TSHZ1: variants seen among roughly 807,000 people sequenced by gnomAD.
TSHZ1 encodes the protein teashirt homolog 1.
Under a neutral mutation model 67.1 loss-of-function variants are expected in TSHZ1, and 12 were observed. That is an observed-to-expected ratio of 0.18 (90% CI 0.11 to 0.29). The LOEUF is 0.29. TSHZ1 is among the 10% of genes least tolerant of loss of function. The pLI is 1.00. For missense variants in TSHZ1, 1,305 were observed against 1,413.9 expected (o/e 0.92, Z 1.23); for synonymous variants, 632 against 622.4 (o/e 1.02, Z -0.23).
chr18:75,219,901 T>A (rs748280608), intron 1 of TSHZ1, among the ~76,000 whole-genome samples: 1 of 152,234 alleles, frequency 6.6e-6, no homozygotes, highest in East Asian at 1.9e-4. Context: ...CCTGTAGATA[T>A]GGAGGCACCT....
At chr18:75,216,171 CT>C (rs1336081636) in intron 1 of TSHZ1, among the ~76,000 whole-genome samples, 6 of 152,008 alleles carry the variant, frequency 3.9e-5, no homozygotes, top group Admixed American at 2.6e-4. Context: ...ACCGAAATAT[CT>C]TTTTTTTAAT....
At chr18:75,283,449 T>G (rs61652057) in intron 1 of TSHZ1, 4,621 of 152,378 alleles carry the variant, frequency 0.03, 121 homozygotes, top group Middle Eastern at 0.12. Flanking sequence ...GGGAGAGTCA[T>G]AGAATCATCT....
At chr18:75,223,913 C>A (rs1175636345) in intron 1 of TSHZ1, among the ~76,000 whole-genome samples, 2 of 152,090 alleles carry the variant, frequency 1.3e-5, no homozygotes, top group Non-Finnish European at 2.9e-5. Context: ...ATGAGGTCAA[C>A]CATGACTGAC....
intron 1 of TSHZ1, among the ~76,000 whole-genome samples, chr18:75,268,221 G>A (rs977148575): frequency 6.6e-6 from 1 of 152,182 alleles, no homozygotes; most frequent in Non-Finnish European, 1.5e-5. Flanking sequence ...ATTTTCCCAG[G>A]AAGGAGAGTT....
chr18:75,269,202 A>G (rs1295818817), intron 1 of TSHZ1, among the ~76,000 whole-genome samples: 3 of 152,228 alleles, frequency 2.0e-5, no homozygotes, highest in African/African-American at 7.2e-5. Context: ...TATGGAAAAA[A>G]GCCACAGCCT....
rs367826446 is a variant in TSHZ1, at chr18:75,271,225, A to T, written c.41-14223A>T. On this transcript the variant is annotated intron_variant, in intron 1 of 1. Coordinates refer to ENST00000580243, the MANE Select transcript of TSHZ1 (RefSeq NM_001308210.2). ...AATATCCTTAGACTAGGAATTGTTT[A>T]TACTAAATTTTTGAAAATGCAAGTA... 5.9e-5 allele frequency among the ~76,000 whole-genome samples: 9 copies of T among 152,296 alleles called. 1 individual carries two copies. The highest frequency in any genetic ancestry group is 4.1e-4 in the South Asian group (2 of 4,828).
intron 1 of TSHZ1, among the ~76,000 whole-genome samples, chr18:75,263,654 A>G (rs896389711): frequency 2.0e-5 from 3 of 152,116 alleles, no homozygotes; most frequent in Non-Finnish European, 4.4e-5. Flanking sequence ...TTTGTTTGTT[A>G]TGTTGTTTGT....
At chr18:75,257,198 T>C (rs1346929075) in intron 1 of TSHZ1, among the ~76,000 whole-genome samples, 1 of 152,196 alleles carries the variant, frequency 6.6e-6, no homozygotes, top group Non-Finnish European at 1.5e-5. Flanking sequence ...ACCTCCTTCA[T>C]TGAGAGATTA....
At chr18:75,271,936 T>G (rs1599051633) in intron 1 of TSHZ1, among the ~76,000 whole-genome samples, 1 of 152,296 alleles carries the variant, frequency 6.6e-6, no homozygotes, top group African/African-American at 2.4e-5. Context: ...CTAGCTGCCT[T>G]CCTTCTCCGC....
At chr18:75,280,953 G>C in intron 1 of TSHZ1, 1 of 416,372 alleles carries the variant, frequency 2.4e-6, no homozygotes, top group Non-Finnish European at 3.2e-6. Context: ...GTCGGGGAGG[G>C]CTGGCATCCA....
intron 1 of TSHZ1, among the ~76,000 whole-genome samples, chr18:75,219,762 G>T (rs2022821290): frequency 6.6e-6 from 1 of 152,188 alleles, no homozygotes; most frequent in Non-Finnish European, 1.5e-5. Flanking sequence ...TTTCTAATAA[G>T]AAAATAAATG....
At chr18:75,257,029 G>C (rs554050899) in intron 1 of TSHZ1, among the ~76,000 whole-genome samples, 38 of 152,296 alleles carry the variant, frequency 2.5e-4, no homozygotes, top group Non-Finnish European at 5.4e-4. Flanking sequence ...AAAAAGAGTG[G>C]TGATGTGCAT....
At chr18:75,213,717 G>A (rs150845203) in intron 1 of TSHZ1, among the ~76,000 whole-genome samples, 4 of 151,966 alleles carry the variant, frequency 2.6e-5, no homozygotes, top group East Asian at 1.9e-4. Flanking sequence ...AAAACAAGCC[G>A]TCAAGGCGAC....
chr18:75,285,388 G>A, intron 1 of TSHZ1, 60 bp from the exon 2 acceptor site: 2 of 1,414,608 alleles, frequency 1.4e-6, no homozygotes, highest in Non-Finnish European at 1.8e-6. Flanking sequence ...AACTGCTGGG[G>A]AGGCTGTCTC....
chr18:75,233,477 G>A (rs967808288), intron 1 of TSHZ1, among the ~76,000 whole-genome samples: 2 of 152,100 alleles, frequency 1.3e-5, no homozygotes, highest in Non-Finnish European at 2.9e-5. Context: ...AGAAATATAA[G>A]AAGATGGATG....
intron 1 of TSHZ1, among the ~76,000 whole-genome samples, chr18:75,237,105 C>T (rs1055597572): frequency 9.9e-5 from 15 of 152,162 alleles, no homozygotes; most frequent in African/African-American, 2.7e-4. Flanking sequence ...TTTCTTCAGA[C>T]GTGTCAACAG....
At chr18:75,216,022 C>T (rs1373208591) in intron 1 of TSHZ1, among the ~76,000 whole-genome samples, 1 of 152,012 alleles carries the variant, frequency 6.6e-6, no homozygotes, top group Non-Finnish European at 1.5e-5. Flanking sequence ...GGGGGCTGGT[C>T]AGTTTTATTC....
chr18:75,288,724 G>A lies in TSHZ1; in HGVS notation c.*83G>A, dbSNP rs2023821673. On this transcript the variant is annotated 3_prime_UTR_variant, in exon 2 of 2. Transcript: ENST00000580243. This position sits in a 1 kb window ranked among gnomAD's most constrained non-coding sequence, Gnocchi z 4.9. ...GGCCTGGCCTGAGCCTCTGAAATCA[G>A]TCTTTCCTTTGTTGCTGGCCCGCCT... The A allele has an allele frequency of 6.6e-7, 1 of 1,505,396 alleles. No homozygotes were observed. The highest frequency in any genetic ancestry group is 2.4e-5 in the Admixed American group (1 of 42,200). The allele number at this position is 1,505,396 out of a possible 1,614,324, so 93.3% of individuals were successfully genotyped here.
intron 1 of TSHZ1, among the ~76,000 whole-genome samples, chr18:75,259,436 T>C (rs2023403313): frequency 6.6e-6 from 1 of 152,204 alleles, no homozygotes; most frequent in African/African-American, 2.4e-5. Flanking sequence ...TGATGAAATC[T>C]TGTACAGTCC....
Sources: gnomAD v4.1 joint callset for allele counts (sites outside exome capture counted in the v4.1 genomes callset) on GRCh38, gnomAD v4.1.1 for gene constraint, Gnocchi (gnomAD v3.1) non-coding constraint, MANE v1.5 for transcripts, NCBI Gene and HGNC (gene_info 2026-07-23, HGNC 2026-07-21) for gene names.